Variants in CDH3 observed in about 807,000 individuals in gnomAD.
The protein encoded by CDH3 is cadherin 3, also known as cadherin-3.
Under a neutral mutation model 82.0 loss-of-function variants are expected in CDH3, and 54 were observed. That is an observed-to-expected ratio of 0.66 (90% CI 0.53 to 0.83). The LOEUF is 0.83. Ranked by LOEUF, CDH3 falls within the 40% of genes least tolerant of loss-of-function variation. The pLI, the probability that CDH3 is intolerant of heterozygous loss-of-function variation, is 0.00. For missense variants in CDH3, 1,054 were observed against 1,084.6 expected (o/e 0.97, Z 0.40); for synonymous variants, 446 against 437.9 (o/e 1.02, Z -0.23).
At position 68,698,186 on chromosome 16, in the gene CDH3, C is replaced by G. The variant is rs772143348; in HGVS notation, c.2281-5C>G. On this transcript the variant is annotated splice_region_variant and splice_polypyrimidine_tract_variant and intron_variant, in intron 15 of 15. Transcript: ENST00000264012. Reference sequence around the variant, plus strand: ...CTCCTAACTACCTGTTCTCTGTTGCCGCAGAACCTGAAGGCGGCTAACACA... The same window carrying G: ...CTCCTAACTACCTGTTCTCTGTTGCGGCAGAACCTGAAGGCGGCTAACACA... 9.9e-6 allele frequency: 16 copies of G among 1,614,020 alleles called. No homozygotes were observed. Among genetic ancestry groups the G allele is most frequent in the Non-Finnish European group, 1.4e-5 (16 of 1,180,014 alleles).
At chr16:68,705,673 C>T (rs919888083) in intron 1 of CDH3, among the ~76,000 whole-genome samples, 4 of 151,688 alleles carry the variant, frequency 2.6e-5, no homozygotes, top group East Asian at 2.0e-4. Flanking sequence ...CCACCTGCCT[C>T]GGCCTCCCAA....
At chr16:68,692,243 C>T (rs1269861730) in intron 13 of CDH3, among the ~76,000 whole-genome samples, 1 of 152,090 alleles carries the variant, frequency 6.6e-6, no homozygotes, top group African/African-American at 2.4e-5. Context: ...CACTATGTTG[C>T]CCAGGCTGGT....
At chr16:68,729,959 G>A (rs372907879), downstream of CDH3, among the ~76,000 whole-genome samples, 19 of 152,290 alleles carry the variant, frequency 1.2e-4, 1 homozygote, top group African/African-American at 4.3e-4. Context: ...TGTTTGCCAG[G>A]TGCAGTAGCT....
Position 68,645,341 on chromosome 16 carries a change from C to T in CDH3, c.-39C>T, listed in dbSNP as rs543649513. On this transcript the variant is annotated 5_prime_UTR_variant, in exon 1 of 16. Coordinates refer to ENST00000264012, the MANE Select transcript of CDH3 (RefSeq NM_001793.6). ...GCAAGAGCTGAGCGGAACACCGGCC[C>T]GCCGTCGCGGCAGCTGCTTCACCCC... The T allele has an allele frequency of 1.2e-5, 19 of 1,607,564 alleles. 1 individual carries two copies. The Admixed American group carries it at 2.2e-4, about 18-fold the overall frequency.
rs74754106 is a variant in CDH3, at chr16:68,677,194, C to G, written c.246+724C>G. On this transcript the variant is annotated intron_variant, in intron 3 of 15. Coordinates refer to ENST00000264012, the MANE Select transcript of CDH3 (RefSeq NM_001793.6). ...TTCACATGTCTGCACCTTTCTTTTTCTACTTAACAGTGTATCAGCACAGCA... is the reference window on the plus strand; with the variant it reads ...TTCACATGTCTGCACCTTTCTTTTTGTACTTAACAGTGTATCAGCACAGCA... 0.01 allele frequency among the ~76,000 whole-genome samples: 1,532 copies of G among 152,266 alleles called. 62 individuals are homozygous for G. In the East Asian group the frequency reaches 0.13, roughly 13 times the overall value.
intron 1 of CDH3, among the ~76,000 whole-genome samples, chr16:68,720,642 G>A (rs748202946): frequency 6.8e-6 from 1 of 147,256 alleles, no homozygotes; most frequent in Non-Finnish European, 1.5e-5. Flanking sequence ...TTGAGATGGA[G>A]TCTCGCTCTG....
chr16:68,680,691 A>T (rs2152100957), intron 7 of CDH3, among the ~76,000 whole-genome samples: 1 of 152,294 alleles, frequency 6.6e-6, no homozygotes, highest in East Asian at 1.9e-4. Context: ...AAACAAAAGC[A>T]AGACTCATTC....
chr16:68,652,744 A>G (rs1960283987), intron 2 of CDH3, among the ~76,000 whole-genome samples: 1 of 151,300 alleles, frequency 6.6e-6, no homozygotes, highest in Admixed American at 6.6e-5. Flanking sequence ...CAAGATAACC[A>G]CTCTTCTGAC....
intron 1 of CDH3, among the ~76,000 whole-genome samples, chr16:68,710,649 G>T (rs1249687052): frequency 2.6e-5 from 4 of 151,838 alleles, no homozygotes; most frequent in Non-Finnish European, 4.4e-5. Context: ...CTTGAGACCA[G>T]CCTGGCCAAC....
At chr16:68,687,792 GC>G in intron 12 of CDH3, 56 bp downstream of exon 12, 1 of 1,266,082 alleles carries the variant, frequency 7.9e-7, no homozygotes, top group Non-Finnish European at 1.2e-6. Flanking sequence ...GTGGGCATCT[GC>G]CCCACACCAG....
intron 1 of CDH3, among the ~76,000 whole-genome samples, chr16:68,710,085 T>C (rs113599427): frequency 0.011 from 1,631 of 152,338 alleles, 30 homozygotes; most frequent in African/African-American, 0.035. Context: ...GTTGGTTACA[T>C]TGGGGGAAGG....
chr16:68,684,690 CG>C lies in CDH3; in HGVS notation c.1291del (p.Val431TrpfsTer4), dbSNP rs752264822. On this transcript the variant is annotated frameshift_variant, in exon 10 of 16. Coordinates refer to ENST00000264012, the MANE Select transcript of CDH3 (RefSeq NM_001793.6). LOFTEE classifies it high-confidence loss of function. ...CCTCCACAGCCACCATAGTGGTCCACGTGGAGGATGTGAATGAGGCACCTGT... is the reference window on the plus strand; with the variant it reads ...CCTCCACAGCCACCATAGTGGTCCACTGGAGGATGTGAATGAGGCACCTGT... Reference protein sequence around the residue: ...PTSTATIVVHVEDVNEAPVFV... With the variant: ...PTSTATIVVHXEDVNEAPVFV... 1 of 1,614,226 alleles carries C rather than the reference CG, an allele frequency of 6.2e-7. No individual in the cohort carries two copies. The highest frequency in any genetic ancestry group is 8.5e-7 in the Non-Finnish European group (1 of 1,180,050).
chr16:68,673,694 G>A (rs576431449), intron 2 of CDH3, among the ~76,000 whole-genome samples: 1 of 152,286 alleles, frequency 6.6e-6, no homozygotes, highest in African/African-American at 2.4e-5. Context: ...GGGAGGCCAG[G>A]CGGGTGGATT....
At chr16:68,714,874 T>C (rs1427486428) in intron 1 of CDH3, among the ~76,000 whole-genome samples, 1 of 152,114 alleles carries the variant, frequency 6.6e-6, no homozygotes, top group Non-Finnish European at 1.5e-5. Context: ...CCAGGCATGG[T>C]GGCCCGTGTC....
chr16:68,703,374 G>A (rs1297919299), downstream of CDH3, among the ~76,000 whole-genome samples: 3 of 152,198 alleles, frequency 2.0e-5, no homozygotes, highest in East Asian at 5.8e-4. Context: ...CTGGGGGGTG[G>A]CCACTCAGGA....
intron 6 of CDH3, 103 bp from the exon 7 acceptor site, chr16:68,679,694 CAA>C (rs66540234): frequency 0.012 from 4,123 of 353,072 alleles, no homozygotes; most frequent in Middle Eastern, 0.018. Flanking sequence ...GACTTCATCT[CAA>C]AAAAAAAAAA....
chr16:68,692,461 T>A (rs1474475618), intron 13 of CDH3, among the ~76,000 whole-genome samples: 2 of 152,202 alleles, frequency 1.3e-5, no homozygotes, highest in African/African-American at 4.8e-5. Flanking sequence ...CATCAGGTCA[T>A]CTGGAGGGGC....
chr16:68,706,408 C>G (rs1261006711), intron 1 of CDH3, among the ~76,000 whole-genome samples: 1 of 152,078 alleles, frequency 6.6e-6, no homozygotes, highest in African/African-American at 2.4e-5. Context: ...CCAGCTCCCT[C>G]CACTGTCCCC....
intron 6 of CDH3, 127 bp downstream of exon 6, chr16:68,679,033 T>G (rs1961126368): frequency 1.1e-6 from 1 of 924,144 alleles, no homozygotes; most frequent in East Asian, 2.6e-5. Flanking sequence ...AAATCCAGAT[T>G]TCCCCCCTTC....
Sources: allele counts gnomAD v4.1 joint callset (sites outside exome capture counted in the v4.1 genomes callset), GRCh38; gene constraint gnomAD v4.1.1; transcripts MANE v1.5; gene names NCBI Gene and HGNC (gene_info 2026-07-23, HGNC 2026-07-21).